TMEM182: variants seen among roughly 807,000 people sequenced by gnomAD.
The protein encoded by TMEM182 is transmembrane protein 182.
TMEM182 carries 20 observed loss-of-function variants against 26.8 expected under a neutral mutation model. The observed-to-expected ratio is 0.75, with a 90% CI of 0.53 to 1.09. The LOEUF (loss-of-function observed/expected upper bound fraction) is 1.09. TMEM182 is among the 50% of genes least tolerant of loss of function. The pLI, the probability that TMEM182 is intolerant of heterozygous loss-of-function variation, is 0.00. For synonymous variants in TMEM182, 109 were observed against 102.2 expected, an observed-to-expected ratio of 1.07 and a Z score of -0.40; for missense variants, 277 against 275.5, an observed-to-expected ratio of 1.01 and a Z score of -0.04.
At chr2:102,788,005 G>A (rs919100062) in intron 3 of TMEM182, among the ~76,000 whole-genome samples, 4 of 152,108 alleles carry the variant, frequency 2.6e-5, no homozygotes, top group Non-Finnish European at 5.9e-5. Flanking sequence ...TCTTAATCTG[G>A]CTGCATATCA....
chr2:102,778,451 C>G (rs940112849), intron 3 of TMEM182, among the ~76,000 whole-genome samples: 1 of 151,862 alleles, frequency 6.6e-6, no homozygotes, highest in African/African-American at 2.4e-5. Flanking sequence ...TTATAAAAAT[C>G]TGGTCTGGGA....
intron 1 of TMEM182, among the ~76,000 whole-genome samples, chr2:102,754,317 A>G (rs2104644202): frequency 6.6e-6 from 1 of 152,346 alleles, no homozygotes; most frequent in Non-Finnish European, 1.5e-5. Context: ...CTTGAAATAA[A>G]TCAAACACAT....
intron 3 of TMEM182, among the ~76,000 whole-genome samples, chr2:102,767,942 C>T (rs1680518513): frequency 6.6e-6 from 1 of 152,098 alleles, no homozygotes. Context: ...AGGACCTGCC[C>T]TAAACTTCCC....
At chr2:102,838,834 T>C (rs765175434) in intron 3 of TMEM182, among the ~76,000 whole-genome samples, 1 of 152,122 alleles carries the variant, frequency 6.6e-6, no homozygotes, top group Non-Finnish European at 1.5e-5. Flanking sequence ...AACCAAGCCA[T>C]TGGCAGAGGA....
At chr2:102,763,147 G>A (rs1432970078) in intron 2 of TMEM182, among the ~76,000 whole-genome samples, 1 of 151,954 alleles carries the variant, frequency 6.6e-6, no homozygotes, top group East Asian at 1.9e-4. Flanking sequence ...AAAAAATCAT[G>A]GAACTTAATT....
chr2:102,797,133 C>T (rs1029091832), intron 3 of TMEM182, among the ~76,000 whole-genome samples: 6 of 152,138 alleles, frequency 3.9e-5, no homozygotes, highest in African/African-American at 1.4e-4. Flanking sequence ...ATTAATTTAG[C>T]CTTGCTTGTC....
chr2:102,800,456 T>C lies in TMEM182; in HGVS notation c.469+2456T>C, dbSNP rs1006416456. Among the ~76,000 whole-genome samples, 4 of 152,324 alleles carry C rather than the reference T, an allele frequency of 2.6e-5. No homozygotes were observed. In the East Asian group the frequency reaches 7.7e-4, roughly 29 times the overall value. ...ATTATCATCCCTCTGCTTGAATTCA[T>C]AATTCCATAGGACCAAATCCCATAT... On this transcript the variant is annotated intron_variant, in intron 4 of 4. Coordinates refer to ENST00000412401, the MANE Select transcript of TMEM182 (RefSeq NM_144632.5).
chr2:102,816,901 T>C lies in TMEM182; in HGVS notation c.*1933T>C, dbSNP rs1682775202. 1 of 985,630 alleles carries C rather than the reference T, an allele frequency of 1.0e-6. No individual in the cohort carries two copies. The highest frequency in any genetic ancestry group is 4.7e-5 in the South Asian group (1 of 21,290). 61.1% of individuals were successfully genotyped at this position (985,630 alleles called of 1,614,324 possible). ...GCTGCTTTCGGCAAAGGCTTGAATA[T>C]TTATAAATTTCAGATGGTTATCCTC... On this transcript the variant is annotated 3_prime_UTR_variant, in exon 5 of 5. Coordinates refer to ENST00000412401, the MANE Select transcript of TMEM182 (RefSeq NM_144632.5).
chr2:102,745,232 A>G (rs1023054186), intron 1 of TMEM182, among the ~76,000 whole-genome samples: 5 of 151,374 alleles, frequency 3.3e-5, no homozygotes, highest in African/African-American at 1.2e-4. Flanking sequence ...GACAATCTTC[A>G]TCTCTGTTAC....
chr2:102,829,228 G>T (rs1683102888), intron 3 of TMEM182, among the ~76,000 whole-genome samples: 1 of 152,154 alleles, frequency 6.6e-6, no homozygotes, highest in African/African-American at 2.4e-5. Context: ...TGGGCAGAAG[G>T]CTTAGGGGAC....
At chr2:102,842,294 T>C (rs369035486) in intron 3 of TMEM182, among the ~76,000 whole-genome samples, 3 of 152,284 alleles carry the variant, frequency 2.0e-5, no homozygotes, top group Admixed American at 6.5e-5. Flanking sequence ...TGTCCCCTTT[T>C]CCTGAACCTT....
At chr2:102,837,440 T>C (rs975162128) in intron 3 of TMEM182, among the ~76,000 whole-genome samples, 2 of 151,652 alleles carry the variant, frequency 1.3e-5, no homozygotes, top group African/African-American at 2.4e-5. Context: ...GAGATTCTGT[T>C]AGAAAATTCA....
chr2:102,745,521 CA>C (rs1679668776), intron 1 of TMEM182, among the ~76,000 whole-genome samples: 1 of 152,060 alleles, frequency 6.6e-6, no homozygotes, highest in African/African-American at 2.4e-5. Flanking sequence ...CTACTTAACA[CA>C]TACAATTTAA....
intron 3 of TMEM182, among the ~76,000 whole-genome samples, chr2:102,787,225 C>T (rs1435211418): frequency 1.3e-5 from 2 of 152,200 alleles, no homozygotes; most frequent in African/African-American, 2.4e-5. Context: ...AACAAAATAC[C>T]ACAGCCTGGC....
At chr2:102,738,775 T>C (rs1429970445) in intron 1 of TMEM182, among the ~76,000 whole-genome samples, 1 of 152,188 alleles carries the variant, frequency 6.6e-6, no homozygotes, top group East Asian at 1.9e-4. Flanking sequence ...TGTTAGCTTG[T>C]GCAGCTGGAG....
intron 3 of TMEM182, among the ~76,000 whole-genome samples, chr2:102,830,408 A>G (rs912950182): frequency 4.7e-4 from 71 of 152,338 alleles, no homozygotes; most frequent in African/African-American, 1.7e-3. Flanking sequence ...GGTCAAGGCC[A>G]TGATCCTAGC....
intron 3 of TMEM182, among the ~76,000 whole-genome samples, chr2:102,781,575 C>T (rs372513747): frequency 2.0e-5 from 3 of 151,998 alleles, no homozygotes; most frequent in Admixed American, 1.3e-4. Context: ...CCCTAGGATG[C>T]TCCATTGTTA....
chr2:102,798,025 C>A (rs762533397), intron 4 of TMEM182, 25 bp downstream of exon 4: 1 of 1,580,514 alleles, frequency 6.3e-7, no homozygotes, highest in Non-Finnish European at 8.6e-7. Flanking sequence ...ATGGGTATGA[C>A]TTTCAGCCAC....
At chr2:102,804,531 C>T (rs1682275337) in intron 4 of TMEM182, among the ~76,000 whole-genome samples, 1 of 151,950 alleles carries the variant, frequency 6.6e-6, no homozygotes, top group Non-Finnish European at 1.5e-5. Flanking sequence ...ATATATGTAC[C>T]ACAGTTTCTT....
Sources: gnomAD v4.1 joint callset for allele counts (sites outside exome capture counted in the v4.1 genomes callset) on GRCh38, gnomAD v4.1.1 for gene constraint, MANE v1.5 for transcripts, NCBI Gene and HGNC (gene_info 2026-07-23, HGNC 2026-07-21) for gene names.